Variants in SNX6 observed in about 807,000 individuals in gnomAD.
SNX6 encodes the protein sorting nexin-6.
A neutral mutation model predicts 63.0 loss-of-function variants in SNX6; 34 were observed. The observed-to-expected ratio is 0.54, with a 90% CI of 0.41 to 0.72. The LOEUF is 0.72. Ranked by LOEUF, SNX6 falls within the 30% of genes least tolerant of loss-of-function variation. SNX6 has a pLI of 0.00. For synonymous variants in SNX6, 170 were observed against 164.2 expected (o/e 1.04, Z -0.27); for missense variants, 398 against 471.4 (o/e 0.84, Z 1.44).
intron 2 of SNX6, among the ~76,000 whole-genome samples, chr14:34,614,876 G>A (rs1029991650): frequency 6.6e-6 from 1 of 152,160 alleles, no homozygotes; most frequent in African/African-American, 2.4e-5. Flanking sequence ...CTGCACTCCA[G>A]TCTCGTAAGA....
At chr14:34,627,578 G>T (rs1883879260) in intron 2 of SNX6, among the ~76,000 whole-genome samples, 1 of 152,108 alleles carries the variant, frequency 6.6e-6, no homozygotes, top group South Asian at 2.1e-4. Context: ...CCAGGTTCCA[G>T]TGAATGAATC....
intron 13 of SNX6, among the ~76,000 whole-genome samples, chr14:34,564,027 C>G (rs952350358): frequency 6.6e-6 from 1 of 151,830 alleles, no homozygotes; most frequent in Admixed American, 6.6e-5. Flanking sequence ...GCGTGAGCCA[C>G]TGCGCTGGCC....
At chr14:34,606,378 C>T (rs1594737852) in intron 4 of SNX6, among the ~76,000 whole-genome samples, 1 of 151,666 alleles carries the variant, frequency 6.6e-6, no homozygotes, top group African/African-American at 2.4e-5. Flanking sequence ...ACTTCAGGCT[C>T]CTAAAGTGCT....
At chr14:34,592,432 T>C (rs1269663209) in intron 8 of SNX6, among the ~76,000 whole-genome samples, 1 of 151,714 alleles carries the variant, frequency 6.6e-6, no homozygotes, top group Non-Finnish European at 1.5e-5. Context: ...ATATAGAGAC[T>C]ACTCGTCCAG....
intron 8 of SNX6, among the ~76,000 whole-genome samples, chr14:34,587,514 C>T (rs1594715649): frequency 9.6e-6 from 1 of 103,886 alleles, no homozygotes; most frequent in East Asian, 3.3e-4. Flanking sequence ...GCCTGGGCGA[C>T]AGAGCAAGAC....
chr14:34,604,277 A>C (rs746921749), intron 5 of SNX6: 25 of 1,258,830 alleles, frequency 2.0e-5, no homozygotes, highest in African/African-American at 3.1e-5. Context: ...CCCTAACCAG[A>C]CCACAAAAGA....
chr14:34,589,906 TTCAAGAC>T (rs1882323962), intron 8 of SNX6, among the ~76,000 whole-genome samples: 1 of 150,330 alleles, frequency 6.7e-6, no homozygotes, highest in Non-Finnish European at 1.5e-5. Context: ...AGTCCAGGAG[TTCAAGAC>T]CAACCCAAGC....
chr14:34,566,247 T>G (rs1881178511), intron 13 of SNX6, among the ~76,000 whole-genome samples: 1 of 152,210 alleles, frequency 6.6e-6, no homozygotes, highest in Non-Finnish European at 1.5e-5. Flanking sequence ...AATTTTTCTT[T>G]TTGGCATCCA....
chr14:34,568,919 C>T (rs910255679), intron 11 of SNX6: 49 of 1,288,416 alleles, frequency 3.8e-5, no homozygotes, highest in Middle Eastern at 1.9e-4. Context: ...CCAACCCCAG[C>T]GCCACCCCAG....
chr14:34,605,734 T>C lies in SNX6; in HGVS notation c.271-17A>G, dbSNP rs199978447. Reference sequence around the variant, plus strand: ...TGGTGGAATCTGTAACAGGACCAAATGACTAATTTTAAGGAAATTTTCATT... The same window carrying C: ...TGGTGGAATCTGTAACAGGACCAAACGACTAATTTTAAGGAAATTTTCATT... On this transcript the variant is annotated splice_polypyrimidine_tract_variant and intron_variant, in intron 4 of 13. Transcript: ENST00000362031. 1.0e-4 allele frequency: 158 copies of C among 1,584,618 alleles called. No homozygotes were observed. The highest frequency in any genetic ancestry group is 1.2e-4 in the Non-Finnish European group (144 of 1,172,456).
intron 8 of SNX6, among the ~76,000 whole-genome samples, chr14:34,591,455 G>A (rs1488805821): frequency 3.9e-5 from 6 of 152,086 alleles, no homozygotes; most frequent in East Asian, 1.9e-4. Context: ...AGCCGGGCAC[G>A]GTGGCAGGCG....
intron 11 of SNX6, chr14:34,568,961 G>T (rs764308960): frequency 2.2e-6 from 3 of 1,388,162 alleles, no homozygotes; most frequent in Non-Finnish European, 3.1e-6. Flanking sequence ...GAAGCAGCTC[G>T]CGTGTACAAC....
intron 10 of SNX6, among the ~76,000 whole-genome samples, chr14:34,580,686 G>T (rs1881900334): frequency 1.3e-5 from 2 of 148,256 alleles, no homozygotes; most frequent in South Asian, 2.1e-4. Context: ...TAGAGACAGG[G>T]TCTCACTCTG....
chr14:34,618,819 C>T (rs1436492179), intron 2 of SNX6, among the ~76,000 whole-genome samples: 1 of 152,150 alleles, frequency 6.6e-6, no homozygotes, highest in Non-Finnish European at 1.5e-5. Context: ...TCTAAAAGTG[C>T]AGCTCAAACC....
chr14:34,625,556 A>G (rs1325259086), intron 2 of SNX6, among the ~76,000 whole-genome samples: 1 of 151,996 alleles, frequency 6.6e-6, no homozygotes, highest in African/African-American at 2.4e-5. Context: ...AACATGGTGT[A>G]ACCCTGTCTC....
chr14:34,601,189 G>C (rs538592673), intron 6 of SNX6, among the ~76,000 whole-genome samples: 1 of 150,932 alleles, frequency 6.6e-6, no homozygotes, highest in Admixed American at 6.6e-5. Flanking sequence ...TCAAATTTAA[G>C]AAACATTAGT....
At chr14:34,604,317 G>GA in intron 5 of SNX6, 1 of 1,216,114 alleles carries the variant, frequency 8.2e-7, no homozygotes. Flanking sequence ...GAAAATCACA[G>GA]ATTCTTCGAT....
chr14:34,575,863 G>A, intron 10 of SNX6, 21 bp from the exon 11 acceptor site: 2 of 1,419,116 alleles, frequency 1.4e-6, no homozygotes, highest in Non-Finnish European at 1.9e-6. Context: ...GGAAAAAATT[G>A]AATATTTAAT....
chr14:34,596,369 C>A (rs1347078461), intron 7 of SNX6, among the ~76,000 whole-genome samples: 2 of 151,648 alleles, frequency 1.3e-5, no homozygotes. Context: ...ACCTGTAATC[C>A]CAGCACTTTG....
Sources: gnomAD v4.1 joint callset for allele counts (sites outside exome capture counted in the v4.1 genomes callset) on GRCh38, gnomAD v4.1.1 for gene constraint, MANE v1.5 for transcripts, NCBI Gene and HGNC (gene_info 2026-07-23, HGNC 2026-07-21) for gene names.